PDE1C: variants seen among roughly 807,000 people sequenced by gnomAD.
PDE1C encodes the protein dual specificity calcium/calmodulin-dependent 3',5'-cyclic nucleotide phosphodiesterase 1C.
A neutral mutation model predicts 93.1 loss-of-function variants in PDE1C; 62 were observed. That is an observed-to-expected ratio of 0.67 (90% CI 0.54 to 0.82). The LOEUF (loss-of-function observed/expected upper bound fraction) is 0.82, where lower values mean the gene tolerates loss of function less well. Among genes scored for constraint, PDE1C ranks in the 40% least tolerant of loss-of-function variants. The pLI, the probability that PDE1C is intolerant of heterozygous loss-of-function variation, is 0.00. For synonymous variants in PDE1C, 325 were observed against 310.1 expected, an observed-to-expected ratio of 1.05 and a Z score of -0.50; for missense variants, 742 against 884.6, an observed-to-expected ratio of 0.84 and a Z score of 2.04.
In PDE1C at chr7:32,413,181, G is replaced by GA. The variant is rs575730683; in HGVS notation, c.310+14640dup. On this transcript the variant is annotated intron_variant, in intron 1 of 1. Coordinates refer to the PDE1C transcript ENST00000672256. ...TATGCTTGTGGGCTTACGTAGGGGG[G>GA]AATGCATGACACCTGCAACTTAATT... Among the ~76,000 whole-genome samples, 32 of 152,192 alleles carry GA rather than the reference G, an allele frequency of 2.1e-4. 2 individuals carry two copies. Among genetic ancestry groups the GA allele is most frequent in the Admixed American group, 9.8e-4 (15 of 15,270 alleles).
intron 3 of PDE1C, among the ~76,000 whole-genome samples, chr7:32,079,763 G>A (rs1482064339): frequency 1.3e-5 from 2 of 152,218 alleles, no homozygotes; most frequent in Admixed American, 6.5e-5. Flanking sequence ...GGAGGCAGGA[G>A]CGGCCAGTCC....
intron 2 of PDE1C, among the ~76,000 whole-genome samples, chr7:32,034,975 G>A (rs1053176845): frequency 6.6e-6 from 1 of 152,018 alleles, no homozygotes; most frequent in Non-Finnish European, 1.5e-5. Context: ...TAATATTATG[G>A]CTATTTTTAT....
At chr7:32,209,542 A>G in intron 1 of PDE1C, 2 of 1,553,546 alleles carry the variant, frequency 1.3e-6, no homozygotes, top group South Asian at 1.2e-5. Context: ...ATTTGCAACT[A>G]GAAAAAAAAA....
intron 1 of PDE1C, among the ~76,000 whole-genome samples, chr7:32,356,011 A>G (rs180995861): frequency 1.3e-5 from 2 of 152,322 alleles, no homozygotes; most frequent in East Asian, 3.9e-4. Context: ...GAGAAAATCT[A>G]CTGATAATAT....
At chr7:32,158,235 G>A (rs929076019) in intron 3 of PDE1C, among the ~76,000 whole-genome samples, 4 of 152,182 alleles carry the variant, frequency 2.6e-5, no homozygotes, top group Middle Eastern at 3.4e-3. Flanking sequence ...CATGAGTCAC[G>A]CTCTCAGGCA....
At chr7:32,052,157 AAAG>A (rs957157524) in intron 1 of PDE1C, among the ~76,000 whole-genome samples, 5 of 152,180 alleles carry the variant, frequency 3.3e-5, no homozygotes, top group Admixed American at 6.5e-5. Context: ...GTCTTCAAAA[AAAG>A]AAGAAGTGAG....
intron 1 of PDE1C, among the ~76,000 whole-genome samples, chr7:32,216,506 G>C (rs1451874001): frequency 6.6e-6 from 1 of 152,154 alleles, no homozygotes; most frequent in African/African-American, 2.4e-5. Flanking sequence ...AAGCCTCCTA[G>C]CAATCTACCA....
intron 2 of PDE1C, among the ~76,000 whole-genome samples, chr7:32,050,469 T>C (rs1344071149): frequency 6.6e-6 from 1 of 152,102 alleles, no homozygotes; most frequent in Non-Finnish European, 1.5e-5. Context: ...AAACAAATCA[T>C]TGTAAAAAAC....
In PDE1C at chr7:32,331,437, G is replaced by A. The variant is rs13231498; in HGVS notation, c.310+96385C>T. Among the ~76,000 whole-genome samples, 658 of 152,278 alleles carry A rather than the reference G, an allele frequency of 4.3e-3. 4 individuals are homozygous for A. Among genetic ancestry groups the A allele is most frequent in the Non-Finnish European group, 7.2e-3 (487 of 68,020 alleles). The stretch of plus-strand genomic sequence containing the variant: ...AAAGAAACATGTCATTACAAATTGC[G>A]ATCAGTGCTAAAAGGAAAGGATGGA... On this transcript the variant is annotated intron_variant, in intron 1 of 1. Coordinates refer to the PDE1C transcript ENST00000672256.
At chr7:31,848,787 C>T (rs1394964628) in intron 8 of PDE1C, among the ~76,000 whole-genome samples, 2 of 152,166 alleles carry the variant, frequency 1.3e-5, no homozygotes, top group Non-Finnish European at 2.9e-5. Context: ...CTTGTTAGAG[C>T]CCTTTGGTGG....
intron 1 of PDE1C, among the ~76,000 whole-genome samples, chr7:32,215,026 T>C (rs1384125684): frequency 6.6e-6 from 1 of 151,948 alleles, no homozygotes; most frequent in Non-Finnish European, 1.5e-5. Flanking sequence ...CTGTGGCAGA[T>C]CCACTGGGTC....
At chr7:31,932,809 C>A (rs1804504335) in intron 2 of PDE1C, among the ~76,000 whole-genome samples, 1 of 152,066 alleles carries the variant, frequency 6.6e-6, no homozygotes, top group Non-Finnish European at 1.5e-5. Context: ...AGACTTGGAA[C>A]CAACCTAAAT....
intron 1 of PDE1C, among the ~76,000 whole-genome samples, chr7:32,067,285 G>A (rs981632210): frequency 1.6e-4 from 25 of 152,158 alleles, no homozygotes; most frequent in Admixed American, 9.2e-4. Context: ...GGGTGGAAGC[G>A]TAGGCACTGG....
chr7:31,666,886 T>C, the PDE1C span, among the ~76,000 whole-genome samples: 3 of 152,226 alleles, frequency 2.0e-5, no homozygotes, highest in Non-Finnish European at 4.4e-5. Context: ...GACTGTCATT[T>C]AACAGTGTCT....
chr7:31,793,594 C>T (rs1338131456), intron 16 of PDE1C, among the ~76,000 whole-genome samples: 1 of 149,476 alleles, frequency 6.7e-6, no homozygotes, highest in Non-Finnish European at 1.5e-5. Flanking sequence ...TAGAAAAAAA[C>T]GAATGAAGAA....
chr7:31,894,422 T>G (rs2128906494), intron 2 of PDE1C, among the ~76,000 whole-genome samples: 1 of 152,316 alleles, frequency 6.6e-6, no homozygotes, highest in African/African-American at 2.4e-5. Context: ...CCAGCCCTAG[T>G]GTAAATAGAA....
chr7:32,188,285 TCTTA>T (rs1470974638), intron 2 of PDE1C, among the ~76,000 whole-genome samples: 1 of 151,952 alleles, frequency 6.6e-6, no homozygotes, highest in Non-Finnish European at 1.5e-5. Context: ...CAAACCCAGG[TCTTA>T]CTTTCTTCTG....
rs557399262 is a variant in PDE1C at position 32,275,659 on chromosome 7, C to A, written c.85+22992G>T. ...AACATCAGGGAAAAAAAAATAAAAC[C>A]AAAAAAAAAAAGCCTTAAGTCTTTC... is the stretch of plus-strand genomic sequence containing the variant. On this transcript the variant is annotated intron_variant, in intron 1 of 18. Transcript: ENST00000396193. 7.3e-4 allele frequency among the ~76,000 whole-genome samples: 103 copies of A among 140,632 alleles called. 2 individuals carry two copies. The highest frequency in any genetic ancestry group is 6.7e-3 in the Admixed American group (94 of 14,038). The allele number at this position is 140,632 out of a possible 152,430, so 92.3% of individuals were successfully genotyped here.
intron 1 of PDE1C, among the ~76,000 whole-genome samples, chr7:32,248,397 A>C (rs1347587701): frequency 1.3e-5 from 2 of 152,254 alleles, no homozygotes; most frequent in Non-Finnish European, 2.9e-5. Flanking sequence ...CCCAGCCTTG[A>C]ATGGGTTTAT....
Sources: allele counts gnomAD v4.1 joint callset (sites outside exome capture counted in the v4.1 genomes callset), GRCh38; gene constraint gnomAD v4.1.1; transcripts MANE v1.5; gene names NCBI Gene and HGNC (gene_info 2026-07-23, HGNC 2026-07-21).